Variants in ITGA1 observed in about 807,000 individuals in gnomAD.
The protein encoded by ITGA1 is integrin alpha-1.
Under a neutral mutation model 145.9 loss-of-function variants are expected in ITGA1, and 85 were observed. The observed-to-expected ratio is 0.58, with a 90% CI of 0.49 to 0.70. ITGA1 has a LOEUF of 0.70. Among genes scored for constraint, ITGA1 ranks in the 30% least tolerant of loss-of-function variants. The pLI, the probability that ITGA1 is intolerant of heterozygous loss-of-function variation, is 0.00. For synonymous variants in ITGA1, 520 were observed against 495.3 expected, an observed-to-expected ratio of 1.05 and a Z score of -0.66; for missense variants, 1,351 against 1,418.7, an observed-to-expected ratio of 0.95 and a Z score of 0.77.
chr5:52,858,866 CTTAT>C (rs1749556784), intron 2 of ITGA1, among the ~76,000 whole-genome samples: 1 of 152,126 alleles, frequency 6.6e-6, no homozygotes, highest in South Asian at 2.1e-4. Context: ...TATACATTAA[CTTAT>C]TTATTTTTTT....
chr5:52,905,694 A>G (rs938932348), intron 11 of ITGA1, 69 bp from the exon 12 acceptor site: 9 of 1,281,356 alleles, frequency 7.0e-6, no homozygotes, highest in Non-Finnish European at 8.6e-6. Flanking sequence ...CCATTTAAAA[A>G]GAGTCTTAAT....
chr5:52,908,602 T>C (rs1579711623), intron 12 of ITGA1, among the ~76,000 whole-genome samples: 1 of 152,238 alleles, frequency 6.6e-6, no homozygotes, highest in East Asian at 1.9e-4. Flanking sequence ...ACTGACCTTT[T>C]CTGATTTGTG....
At chr5:52,928,872 A>C (rs1200265092) in intron 20 of ITGA1, among the ~76,000 whole-genome samples, 2 of 152,198 alleles carry the variant, frequency 1.3e-5, no homozygotes, top group Non-Finnish European at 2.9e-5. Context: ...TTTTCTTATC[A>C]TGCTGTTTGA....
chr5:52,796,378 TTACTGATATAAAGATTTA>T (rs886979456), intron 1 of ITGA1, among the ~76,000 whole-genome samples: 3 of 151,918 alleles, frequency 2.0e-5, no homozygotes, highest in Non-Finnish European at 4.4e-5. Flanking sequence ...ATAATTAAAG[TTACTGATATAAAGATTTA>T]TACTGATATA....
At chr5:52,942,532 GTTTT>G (rs34805605) in intron 26 of ITGA1, among the ~76,000 whole-genome samples, 1 of 133,422 alleles carries the variant, frequency 7.5e-6, no homozygotes, top group Non-Finnish European at 1.6e-5. Flanking sequence ...TGTAAATGGA[GTTTT>G]TTTTTTTTTT....
intron 1 of ITGA1, among the ~76,000 whole-genome samples, chr5:52,831,515 T>C (rs529603616): frequency 2.1e-4 from 29 of 140,514 alleles, no homozygotes; most frequent in East Asian, 4.2e-4. Flanking sequence ...GACCTCTTTA[T>C]TGATTAAATA....
chr5:52,882,431 T>A (rs1258188993), intron 7 of ITGA1, among the ~76,000 whole-genome samples: 2 of 152,122 alleles, frequency 1.3e-5, no homozygotes, highest in African/African-American at 4.8e-5. Flanking sequence ...GTCCATGTAT[T>A]TTCAGTACTT....
In ITGA1 at chr5:52,882,549, A is replaced by G. The variant is rs375252797; in HGVS notation, c.773+528A>G. ...AAAGTTTGAAAGAAATGGAAAGGAT[A>G]TTATCATTTGTAATCCTCTCTCCTT... On this transcript the variant is annotated intron_variant, in intron 7 of 28. Coordinates refer to ENST00000282588, the MANE Select transcript of ITGA1 (RefSeq NM_181501.2). Among the ~76,000 whole-genome samples the G allele has an allele frequency of 8.6e-5, 13 of 150,592 alleles. No homozygotes were observed. The East Asian group carries it at 1.8e-3, about 20-fold the overall frequency.
Position 52,839,450 on chromosome 5 carries a change from AT to A in ITGA1, c.62-9912del, listed in dbSNP as rs1321182516. Among the ~76,000 whole-genome samples, 9 of 152,248 alleles carry A rather than the reference AT, an allele frequency of 5.9e-5. No individual in the cohort carries two copies. The East Asian group carries it at 1.7e-3, about 29-fold the overall frequency. On this transcript the variant is annotated intron_variant, in intron 1 of 28. Coordinates refer to ENST00000282588, the MANE Select transcript of ITGA1 (RefSeq NM_181501.2). ...AATAGCTTTTGGCTCTTCTTGTACTATTTGAACATTAGGTAACTGGTTACTG... is the reference window on the plus strand; with the variant it reads ...AATAGCTTTTGGCTCTTCTTGTACTATTGAACATTAGGTAACTGGTTACTG...
intron 1 of ITGA1, among the ~76,000 whole-genome samples, chr5:52,804,474 C>T (rs761699169): frequency 2.0e-5 from 3 of 152,048 alleles, no homozygotes; most frequent in African/African-American, 4.8e-5. Context: ...CTTTCATTAC[C>T]GTCTTAGAAA....
At position 52,920,340 on chromosome 5, in the gene ITGA1, T is replaced by C; in HGVS notation, c.2164T>C (p.Tyr722His). ...TTTTAAAATTTTTGTAGATTTGCAG[T>C]ACCGTGTCACCCTAGATTCACTAAG... Reference protein sequence around the residue: ...EDTIYEADLQYRVTLDSLRQI... With the variant: ...EDTIYEADLQHRVTLDSLRQI... Residue 722 changes from tyrosine to histidine, a missense_variant, in exon 17 of 29, where the codon TAC becomes CAC. Physicochemically the swap from Tyr to His is moderately conservative, Grantham distance 83. Coordinates refer to ENST00000282588, the MANE Select transcript of ITGA1 (RefSeq NM_181501.2). The C allele has an allele frequency of 6.3e-7, 1 of 1,591,472 alleles. No homozygotes were observed. The highest frequency in any genetic ancestry group is 8.5e-7 in the Non-Finnish European group (1 of 1,171,766).
chr5:52,791,528 C>G (rs1183023075), intron 1 of ITGA1, among the ~76,000 whole-genome samples: 1 of 152,180 alleles, frequency 6.6e-6, no homozygotes, highest in African/African-American at 2.4e-5. Flanking sequence ...TCAGCCTTCC[C>G]ATTGGCCATC....
chr5:52,897,117 C>T (rs1387646349), intron 9 of ITGA1, among the ~76,000 whole-genome samples: 1 of 152,128 alleles, frequency 6.6e-6, no homozygotes, highest in Non-Finnish European at 1.5e-5. Flanking sequence ...GAATTTCCTA[C>T]TGTAGTACAT....
At chr5:52,893,924 A>G in intron 9 of ITGA1, 84 bp downstream of exon 9, 1 of 1,027,794 alleles carries the variant, frequency 9.7e-7, no homozygotes, top group Admixed American at 2.4e-5. Flanking sequence ...TTCCTAATAC[A>G]TCAGTAATAC....
At chr5:52,891,158 C>G (rs982798381) in intron 8 of ITGA1, among the ~76,000 whole-genome samples, 4 of 151,720 alleles carry the variant, frequency 2.6e-5, no homozygotes, top group Admixed American at 6.6e-5. Flanking sequence ...AATTCTATAT[C>G]TTGTCTATTG....
At chr5:52,875,358 G>A (rs1027953835) in intron 6 of ITGA1, among the ~76,000 whole-genome samples, 1 of 151,864 alleles carries the variant, frequency 6.6e-6, no homozygotes, top group African/African-American at 2.4e-5. Flanking sequence ...ATATTTAAGT[G>A]GAATGTTCTA....
chr5:52,896,576 G>T (rs1273124832), intron 9 of ITGA1, among the ~76,000 whole-genome samples: 1 of 152,026 alleles, frequency 6.6e-6, no homozygotes. Context: ...TTATTCTCTT[G>T]CCTCAACGAA....
intron 28 of ITGA1, among the ~76,000 whole-genome samples, chr5:52,952,033 T>C (rs980393167): frequency 6.6e-6 from 1 of 151,526 alleles, no homozygotes; most frequent in African/African-American, 2.4e-5. Flanking sequence ...CTACTGAAAA[T>C]ACAAAAATTA....
chr5:52,891,251 G>GTT (rs1247320379), intron 8 of ITGA1, among the ~76,000 whole-genome samples: 8 of 110,394 alleles, frequency 7.2e-5, no homozygotes, highest in East Asian at 3.0e-4. Context: ...ACCCAGCAAT[G>GTT]TTTTTTTTTT....
Sources: gnomAD v4.1 joint callset for allele counts (sites outside exome capture counted in the v4.1 genomes callset) on GRCh38, gnomAD v4.1.1 for gene constraint, MANE v1.5 for transcripts, NCBI Gene and HGNC (gene_info 2026-07-23, HGNC 2026-07-21) for gene names.